The following DNAH7 variants were observed in gnomAD, a reference collection of about 807,000 sequenced individuals.
DNAH7 encodes the protein axonemal beta dynein heavy chain 7.
In DNAH7, 397 loss-of-function variants were observed where a neutral mutation model predicts 444.6. The ratio of observed to expected loss-of-function variants is 0.89; its 90% CI spans 0.82 to 0.97. The LOEUF is 0.97. Among genes scored for constraint, DNAH7 ranks in the 50% least tolerant of loss-of-function variants. The pLI is 0.00. For missense variants in DNAH7, 4,902 were observed against 4,800.8 expected (o/e 1.02, Z -0.62); for synonymous variants, 1,636 against 1,624.4 (o/e 1.01, Z -0.17).
At chr2:195,942,693 A>G (rs1170289565) in intron 19 of DNAH7, among the ~76,000 whole-genome samples, 1 of 152,156 alleles carries the variant, frequency 6.6e-6, no homozygotes, top group African/African-American at 2.4e-5. Flanking sequence ...TTCATCTAGA[A>G]AAGCCAAAAG....
chr2:196,011,597 A>G (rs1419140704), intron 10 of DNAH7, among the ~76,000 whole-genome samples: 1 of 152,128 alleles, frequency 6.6e-6, no homozygotes, highest in Non-Finnish European at 1.5e-5. Flanking sequence ...GGAAGTCATA[A>G]TTAATCATTT....
intron 49 of DNAH7, among the ~76,000 whole-genome samples, chr2:195,824,006 AAG>A (rs963997427): frequency 3.9e-5 from 6 of 152,214 alleles, no homozygotes; most frequent in Non-Finnish European, 7.3e-5. Flanking sequence ...ATGAAAATCT[AAG>A]AATCATATCA....
chr2:196,016,631 A>C lies in DNAH7; in HGVS notation c.869+2539T>G, dbSNP rs142604235. On this transcript the variant is annotated intron_variant, in intron 9 of 64. Transcript: ENST00000312428. ...GTAGAAGGTCAGAATATGTGTTAGA[A>C]ACCCTGTATAATCTCATTACATTCT... 2.1e-3 allele frequency among the ~76,000 whole-genome samples: 314 copies of C among 152,346 alleles called. 1 individual carries two copies. Among genetic ancestry groups the C allele is most frequent in the African/African-American group, 7.1e-3 (294 of 41,582 alleles).
intron 5 of DNAH7, among the ~76,000 whole-genome samples, chr2:196,045,305 AG>A (rs2125843206): frequency 7.5e-6 from 1 of 133,952 alleles, no homozygotes; most frequent in East Asian, 2.3e-4. Flanking sequence ...AAAAGAAAAA[AG>A]AAAAAAAAGA....
At chr2:195,897,153 C>A (rs1428766568) in intron 29 of DNAH7, among the ~76,000 whole-genome samples, 1 of 152,086 alleles carries the variant, frequency 6.6e-6, no homozygotes, top group East Asian at 1.9e-4. Context: ...AAAACTTTAA[C>A]CATTATTCTA....
chr2:196,044,616 A>G (rs1696988054), intron 5 of DNAH7, among the ~76,000 whole-genome samples: 1 of 152,196 alleles, frequency 6.6e-6, no homozygotes, highest in African/African-American at 2.4e-5. Context: ...AAAGGTAATC[A>G]TTAATATTTT....
intron 57 of DNAH7, among the ~76,000 whole-genome samples, chr2:195,792,158 C>A (rs905148392): frequency 8.1e-6 from 1 of 123,656 alleles, no homozygotes; most frequent in Non-Finnish European, 1.7e-5. Context: ...TAGAGTGAGA[C>A]CCTGTCTCAA....
chr2:195,866,080 C>T (rs536808878), intron 40 of DNAH7, among the ~76,000 whole-genome samples: 25 of 152,292 alleles, frequency 1.6e-4, no homozygotes, highest in African/African-American at 5.8e-4. Context: ...GTCAGTGGAA[C>T]GTTGGATCCT....
chr2:195,865,264 G>T (rs1700261786), intron 40 of DNAH7, among the ~76,000 whole-genome samples: 1 of 152,046 alleles, frequency 6.6e-6, no homozygotes, highest in African/African-American at 2.4e-5. Flanking sequence ...TTTTGGGGGT[G>T]GGAGCTGAAG....
intron 24 of DNAH7, among the ~76,000 whole-genome samples, chr2:195,911,338 T>A (rs1687346782): frequency 6.6e-6 from 1 of 152,146 alleles, no homozygotes. Context: ...GTGAACAAGT[T>A]AAATAGCAGA....
Position 195,794,431 on chromosome 2 carries a change from A to G in DNAH7, c.10623T>C (p.Asn3541=). The G allele has an allele frequency of 6.2e-7, 1 of 1,614,148 alleles. No homozygotes were observed. Among genetic ancestry groups the G allele is most frequent in the Non-Finnish European group, 8.5e-7 (1 of 1,180,006 alleles). ...TAGCCCGTAAACCTTTTGGTGCTTC[A>G]TTGGTCATTTTCACTCCATTCTGCA... ...SVLQNGVKMT[N]EAPKGLRANI... Residue 3541 remains asparagine (N), a synonymous_variant, in exon 57 of 65, where the codon AAT becomes AAC. Coordinates refer to ENST00000312428, the MANE Select transcript of DNAH7 (RefSeq NM_018897.3).
At chr2:196,061,224 TGACA>T (rs761524676) in intron 1 of DNAH7, among the ~76,000 whole-genome samples, 1 of 152,182 alleles carries the variant, frequency 6.6e-6, no homozygotes, top group Non-Finnish European at 1.5e-5. Context: ...GATCTTCGTG[TGACA>T]GACATCCCTC....
At chr2:195,900,585 T>C (rs769266128) in intron 27 of DNAH7, 91 bp from the exon 28 acceptor site, 3 of 1,229,692 alleles carry the variant, frequency 2.4e-6, no homozygotes, top group African/African-American at 1.5e-5. Flanking sequence ...CACTAATATG[T>C]GGAGGCTAAA....
At chr2:195,997,816 A>G (rs1430821137) in intron 12 of DNAH7, among the ~76,000 whole-genome samples, 2 of 152,102 alleles carry the variant, frequency 1.3e-5, no homozygotes, top group East Asian at 1.9e-4. Context: ...GATACCCTAC[A>G]TATCACTTGT....
intron 46 of DNAH7, among the ~76,000 whole-genome samples, chr2:195,851,987 G>A (rs889643724): frequency 3.9e-5 from 6 of 152,110 alleles, no homozygotes; most frequent in East Asian, 1.9e-4. Context: ...GGCAGGGCAC[G>A]GTGGCTCACG....
chr2:195,835,478 G>A (rs17443062), intron 47 of DNAH7, among the ~76,000 whole-genome samples: 61,672 of 151,584 alleles, frequency 0.41, 15,082 homozygotes, highest in Non-Finnish European at 0.56. Context: ...AAATTGGAAC[G>A]TCAATGGATG....
At position 195,936,739 on chromosome 2, in the gene DNAH7, T is replaced by C. The variant is rs751508920; in HGVS notation, c.3132A>G (p.Lys1044=). The C allele has an allele frequency of 1.3e-6, 2 of 1,597,870 alleles. No homozygotes were observed. Among genetic ancestry groups the C allele is most frequent in the Non-Finnish European group, 1.7e-6 (2 of 1,173,682 alleles). The change falls in exon 20 of 65, where the codon AAA becomes AAG. Residue 1044 remains lysine, a synonymous_variant. Transcript: ENST00000312428. ...VTIDRMLERL[K]KSNELLELIL... is the part of the protein sequence containing the mutation. ...TGAGCTCCAAAAGTTCATTAGATTT[T>C]TTCAGCCTTTCCAGCATTCTGTCAA...
chr2:195,820,428 G>A (rs1253054710), intron 49 of DNAH7, among the ~76,000 whole-genome samples: 2 of 150,148 alleles, frequency 1.3e-5, no homozygotes, highest in African/African-American at 4.9e-5. Context: ...AAACCTGCAC[G>A]CTCTGCACAT....
Position 196,047,500 on chromosome 2 carries a change from CTTAAA to C in DNAH7, c.251-6_251-2del. ...TTTCCAAAACGTTCCATGTATTCAGCTTAAATTAAAACAAAAAAAAAAGCACAATT... is the reference window on the plus strand; with the variant it reads ...TTTCCAAAACGTTCCATGTATTCAGCTTAAAACAAAAAAAAAAGCACAATT... On this transcript the variant is annotated splice_acceptor_variant and splice_polypyrimidine_tract_variant and intron_variant, in intron 4 of 64. Transcript: ENST00000312428. LOFTEE classifies it high-confidence loss of function. The C allele has an allele frequency of 6.5e-7, 1 of 1,544,498 alleles. No individual in the cohort carries two copies. Among genetic ancestry groups the C allele is most frequent in the Non-Finnish European group, 8.7e-7 (1 of 1,144,244 alleles).
Sources: gnomAD v4.1 joint callset for allele counts (sites outside exome capture counted in the v4.1 genomes callset) on GRCh38, gnomAD v4.1.1 for gene constraint, MANE v1.5 for transcripts, NCBI Gene and HGNC (gene_info 2026-07-23, HGNC 2026-07-21) for gene names.